Variants in SLC35B3 observed in about 807,000 individuals in gnomAD.
SLC35B3 encodes solute carrier family 35 member B3, also known as adenosine 3'-phospho 5'-phosphosulfate transporter 2.
A neutral mutation model predicts 44.1 loss-of-function variants in SLC35B3; 35 were observed. The observed-to-expected ratio is 0.79, with a 90% CI of 0.61 to 1.05. SLC35B3 has a LOEUF of 1.05. Among genes scored for constraint, SLC35B3 ranks in the 50% least tolerant of loss-of-function variants. The probability of loss-of-function intolerance (pLI) is 0.00; values close to 1 mark genes in which losing one functional copy is unlikely to be tolerated. For missense variants in SLC35B3, 414 were observed against 476.4 expected (o/e 0.87, Z 1.22); for synonymous variants, 146 against 167.3 (o/e 0.87, Z 0.98).
rs768629417 is a variant in SLC35B3, at chr6:8,434,415, C to T, written c.-28G>A. The T allele has an allele frequency of 3.1e-6, 5 of 1,612,080 alleles. No individual in the cohort carries two copies. Among genetic ancestry groups the T allele is most frequent in the African/African-American group, 2.7e-5 (2 of 74,784 alleles). ...CATTATGCCTTGATTAACTGCGCTC[C>T]GGAATCAATCATGGCCTATGGTGTA... On this transcript the variant is annotated 5_prime_UTR_variant, in exon 2 of 11. Coordinates refer to ENST00000644923, the MANE Select transcript of SLC35B3 (RefSeq NM_001370476.2). This position sits in a 1 kb window ranked among gnomAD's most constrained non-coding sequence, Gnocchi z 6.3.
chr6:8,417,947 C>T (rs1762565993), intron 7 of SLC35B3, among the ~76,000 whole-genome samples: 1 of 151,914 alleles, frequency 6.6e-6, no homozygotes. Flanking sequence ...CCTTTTAATC[C>T]CAATTTACTA....
intron 4 of SLC35B3, among the ~76,000 whole-genome samples, chr6:8,427,692 G>T (rs991622615): frequency 1.7e-4 from 26 of 152,154 alleles, no homozygotes; most frequent in Middle Eastern, 3.4e-3. Context: ...TTATCATGTT[G>T]TAAGAACATA....
chr6:8,413,704 G>T lies in SLC35B3; in HGVS notation c.1056-5C>A. 1 of 1,478,618 alleles carries T rather than the reference G, an allele frequency of 6.8e-7. No individual in the cohort carries two copies. The highest frequency in any genetic ancestry group is 1.3e-5 in the South Asian group (1 of 76,612). 91.6% of individuals were successfully genotyped at this position (1,478,618 alleles called of 1,614,324 possible). On this transcript the variant is annotated splice_polypyrimidine_tract_variant and splice_region_variant and intron_variant, in intron 10 of 10. Transcript: ENST00000644923. ...AACAAACCAGACCATACATACCTAA[G>T]AGAAAGAAATAAGGAAAAAAAATTA...
Position 8,413,262 on chromosome 6 carries a change from T to C in SLC35B3, c.*287A>G. On this transcript the variant is annotated 3_prime_UTR_variant, in exon 11 of 11. Coordinates refer to ENST00000644923, the MANE Select transcript of SLC35B3 (RefSeq NM_001370476.2). ...TATAGCCAATTAGTCTTGCAACACA[T>C]GGTCCATTTCCAGTGAAATTCTCAA... 3.5e-6 allele frequency: 1 copy of C among 286,214 alleles called. No homozygotes were observed. Among genetic ancestry groups the C allele is most frequent in the South Asian group, 6.1e-5 (1 of 16,452 alleles). 17.7% of individuals were successfully genotyped at this position (286,214 alleles called of 1,614,324 possible).
At chr6:8,429,018 C>T (rs1378196613) in intron 3 of SLC35B3, among the ~76,000 whole-genome samples, 2 of 152,078 alleles carry the variant, frequency 1.3e-5, no homozygotes, top group African/African-American at 4.8e-5. Flanking sequence ...AAAAAGAATA[C>T]AACAATTTTT....
chr6:8,427,700 A>G (rs1354172684), intron 4 of SLC35B3, among the ~76,000 whole-genome samples: 1 of 152,232 alleles, frequency 6.6e-6, no homozygotes, highest in Non-Finnish European at 1.5e-5. Context: ...TTGTAAGAAC[A>G]TATAACACTA....
chr6:8,413,118 C>T lies in SLC35B3; in HGVS notation c.*431G>A, dbSNP rs1762111434. 6.5e-6 allele frequency: 1 copy of T among 152,914 alleles called. No individual in the cohort carries two copies. The highest frequency in any genetic ancestry group is 2.4e-5 in the African/African-American group (1 of 41,426). The allele number at this position is 152,914 out of a possible 1,614,324, so 9.5% of individuals were successfully genotyped here. ...TATTTATAATGAATGTTATTCTCTCCAGACTTCAACTCATCAGTTTACTCT... is the reference window on the plus strand; with the variant it reads ...TATTTATAATGAATGTTATTCTCTCTAGACTTCAACTCATCAGTTTACTCT... On this transcript the variant is annotated 3_prime_UTR_variant, in exon 11 of 11. Coordinates refer to ENST00000644923, the MANE Select transcript of SLC35B3 (RefSeq NM_001370476.2).
chr6:8,432,292 G>T lies in SLC35B3; in HGVS notation c.3+2093C>A, dbSNP rs1246331692. The stretch of plus-strand genomic sequence containing the variant: ...CTGAAAATCTTATAGAAAAAGAGTG[G>T]GGAAAATTTACAAATAATGCTTACA... On this transcript the variant is annotated intron_variant, in intron 2 of 10. Transcript: ENST00000644923. The surrounding 1 kb of genome is among the most constrained non-coding windows in gnomAD (Gnocchi z 4.8). Among the ~76,000 whole-genome samples the T allele has an allele frequency of 6.6e-6, 1 of 151,418 alleles. No individual in the cohort carries two copies. Among genetic ancestry groups the T allele is most frequent in the African/African-American group, 2.4e-5 (1 of 41,218 alleles).
intron 5 of SLC35B3, among the ~76,000 whole-genome samples, chr6:8,422,236 C>T (rs564650971): frequency 6.6e-6 from 1 of 152,280 alleles, no homozygotes; most frequent in African/African-American, 2.4e-5. Context: ...AACTCCTGAC[C>T]TTGTGATCTG....
At position 8,430,032 on chromosome 6, in the gene SLC35B3, A is replaced by C. The variant is rs759459928; in HGVS notation, c.129T>G (p.Tyr43Ter). 8.1e-6 allele frequency: 13 copies of C among 1,613,878 alleles called. No homozygotes were observed. The highest frequency in any genetic ancestry group is 1.1e-5 in the Non-Finnish European group (13 of 1,179,966). Residue 43 changes from tyrosine (Y) to a stop codon, truncating the protein, a stop_gained, in exon 3 of 11, where the codon TAT (tyrosine) becomes TAG (stop). Transcript: ENST00000644923. LOFTEE classifies it high-confidence loss of function. ...TTTTGGATGGCACAGTGATAGAAAT[A>C]TATTTCCTGGAATTGTTGAACTTGA... is the stretch of plus-strand genomic sequence containing the variant.
chr6:8,433,633 G>A lies in SLC35B3; in HGVS notation c.3+752C>T, dbSNP rs560931457. 6.6e-6 allele frequency among the ~76,000 whole-genome samples: 1 copy of A among 152,222 alleles called. No individual in the cohort carries two copies. Among genetic ancestry groups the A allele is most frequent in the South Asian group, 2.1e-4 (1 of 4,826 alleles). On this transcript the variant is annotated intron_variant, in intron 2 of 10. Transcript: ENST00000644923. This position sits in a 1 kb window ranked among gnomAD's most constrained non-coding sequence, Gnocchi z 4.1. ...CTAGCACTGTCTTTTCTACATGTAT[G>A]CCAAAATACCGACATTGCTACTGAA...
chr6:8,417,459 A>G lies in SLC35B3; in HGVS notation c.816T>C (p.Ile272=). 1 of 1,605,288 alleles carries G rather than the reference A, an allele frequency of 6.2e-7. No homozygotes were observed. The highest frequency in any genetic ancestry group is 8.5e-7 in the Non-Finnish European group (1 of 1,176,394). Residue 272 remains isoleucine, a synonymous_variant, in exon 8 of 11, where the codon ATT becomes ATC. Transcript: ENST00000644923. ...CACTAGTGCATGTCAATCCCAGTAA[A>G]ATGTATACAAAACCAATTGAATACG...
In SLC35B3 at chr6:8,429,856, T is replaced by G; in HGVS notation, c.297+8A>C. 6.5e-7 allele frequency: 1 copy of G among 1,531,128 alleles called. No homozygotes were observed. Among genetic ancestry groups the G allele is most frequent in the South Asian group, 1.2e-5 (1 of 83,238 alleles). 94.8% of individuals were successfully genotyped at this position (1,531,128 alleles called of 1,614,324 possible). A position where few individuals can be genotyped will look rare whatever the true frequency, so the allele number is the denominator to read the frequency against. On this transcript the variant is annotated splice_region_variant and intron_variant, in intron 3 of 10. Coordinates refer to ENST00000644923, the MANE Select transcript of SLC35B3 (RefSeq NM_001370476.2). Reference sequence around the variant, plus strand: ...AATTAACATATTACAAACATATAACTTTTTTACCTGTAAATACCCATAAAT... The same window carrying G: ...AATTAACATATTACAAACATATAACGTTTTTACCTGTAAATACCCATAAAT...
chr6:8,419,763 T>G lies in SLC35B3; in HGVS notation c.683-86A>C, dbSNP rs1762731108. The G allele has an allele frequency of 1.4e-6, 1 of 723,912 alleles. No individual in the cohort carries two copies. Among genetic ancestry groups the G allele is most frequent in the Non-Finnish European group, 2.2e-6 (1 of 463,602 alleles). 44.8% of individuals were successfully genotyped at this position (723,912 alleles called of 1,614,324 possible). On this transcript the variant is annotated intron_variant, in intron 6 of 10. Transcript: ENST00000644923. This position sits in a 1 kb window ranked among gnomAD's most constrained non-coding sequence, Gnocchi z 4.3. ...TAATCAAGCTTTATCAGAAATTTCA[T>G]TGGTCTAAAAAACAAAAGCAGATCT...
chr6:8,421,999 TTTGTTTG>T (rs1581245294), intron 5 of SLC35B3, among the ~76,000 whole-genome samples: 3 of 151,744 alleles, frequency 2.0e-5, no homozygotes, highest in Non-Finnish European at 2.9e-5. Flanking sequence ...TAAGTGTTTG[TTTGTTTG>T]TTTGTTTGTT....
At chr6:8,423,602 T>C (rs1763139108) in intron 4 of SLC35B3, among the ~76,000 whole-genome samples, 1 of 152,208 alleles carries the variant, frequency 6.6e-6, no homozygotes, top group African/African-American at 2.4e-5. Flanking sequence ...TCAGGCACTA[T>C]TCATACTGAT....
intron 2 of SLC35B3, among the ~76,000 whole-genome samples, chr6:8,430,960 A>G (rs10484748): frequency 0.031 from 4,761 of 152,178 alleles, 264 homozygotes; most frequent in African/African-American, 0.11. Context: ...AAAAAGCTAG[A>G]TTTATCAGAG....
Position 8,435,456 on chromosome 6 carries a change from C to T in SLC35B3, c.-157G>A. 1 of 1,184,432 alleles carries T rather than the reference C, an allele frequency of 8.4e-7. No homozygotes were observed. The highest frequency in any genetic ancestry group is 1.1e-6 in the Non-Finnish European group (1 of 896,266). 73.4% of individuals were successfully genotyped at this position (1,184,432 alleles called of 1,614,324 possible). A position where few individuals can be genotyped will look rare whatever the true frequency, so the allele number is the denominator to read the frequency against. Reference sequence around the variant, plus strand: ...GCCATCACCTCCTCTTCCTCCTCCTCCTCGCCCACTCCTGCACTTTCCACC... The same window carrying T: ...GCCATCACCTCCTCTTCCTCCTCCTTCTCGCCCACTCCTGCACTTTCCACC... On this transcript the variant is annotated 5_prime_UTR_variant, in exon 1 of 11. Coordinates refer to ENST00000644923, the MANE Select transcript of SLC35B3 (RefSeq NM_001370476.2). This position sits in a 1 kb window ranked among gnomAD's most constrained non-coding sequence, Gnocchi z 5.5.
rs1373300989 is a variant in SLC35B3, at chr6:8,421,994, G to GTTTT, written c.574+475_574+476insAAAA. The stretch of plus-strand genomic sequence containing the variant: ...ACTTCAGAAACTAAGGCATATAAGT[G>GTTTT]TTTGTTTGTTTGTTTGTTTGTTTGT... On this transcript the variant is annotated intron_variant, in intron 5 of 10. Coordinates refer to ENST00000644923, the MANE Select transcript of SLC35B3 (RefSeq NM_001370476.2). Among the ~76,000 whole-genome samples, 17 of 53,248 alleles carry GTTTT rather than the reference G, an allele frequency of 3.2e-4. No homozygotes were observed. In the South Asian group the frequency reaches 3.3e-3, roughly 10 times the overall value. The allele number at this position is 53,248 out of a possible 152,430, so 34.9% of individuals were successfully genotyped here.
Sources: allele counts gnomAD v4.1 joint callset (sites outside exome capture counted in the v4.1 genomes callset), GRCh38; gene constraint gnomAD v4.1.1; non-coding constraint Gnocchi (gnomAD v3.1); transcripts MANE v1.5; gene names NCBI Gene and HGNC (gene_info 2026-07-23, HGNC 2026-07-21).